CCBE1: variants seen among roughly 807,000 people sequenced by gnomAD.
CCBE1 encodes the protein collagen and calcium-binding EGF domain-containing protein 1.
In CCBE1, 37 loss-of-function variants were observed where a neutral mutation model predicts 50.0. That is an observed-to-expected ratio of 0.74 (90% confidence interval 0.57 to 0.97). The LOEUF (loss-of-function observed/expected upper bound fraction) is 0.97. CCBE1 is among the 50% of genes least tolerant of loss of function. CCBE1 has a pLI of 0.00. For missense variants in CCBE1, 538 were observed against 523.8 expected, an observed-to-expected ratio of 1.03 and a Z score of -0.26; for synonymous variants, 234 against 203.7, an observed-to-expected ratio of 1.15 and a Z score of -1.27.
chr18:59,552,833 T>A lies in CCBE1; in HGVS notation c.213-72595A>T, dbSNP rs188993225. Among the ~76,000 whole-genome samples the A allele has an allele frequency of 5.6e-4, 85 of 152,330 alleles. No individual in the cohort carries two copies. In the East Asian group the frequency reaches 0.014, roughly 26 times the overall value. On this transcript the variant is annotated intron_variant, in intron 2 of 10. Coordinates refer to ENST00000439986, the MANE Select transcript of CCBE1 (RefSeq NM_133459.4). Reference sequence around the variant, plus strand: ...TCACCATACACTTATGTCTTTGAAATGAATGTTTCGATTTGGTTAAGGAGG... The same window carrying A: ...TCACCATACACTTATGTCTTTGAAAAGAATGTTTCGATTTGGTTAAGGAGG...
chr18:59,514,070 C>T (rs969997590), intron 2 of CCBE1, among the ~76,000 whole-genome samples: 1 of 152,228 alleles, frequency 6.6e-6, no homozygotes, highest in African/African-American at 2.4e-5. Context: ...AATGAACCCT[C>T]ATATACACCA....
At chr18:59,452,655 A>G (rs1910995954) in intron 6 of CCBE1, among the ~76,000 whole-genome samples, 1 of 152,172 alleles carries the variant, frequency 6.6e-6, no homozygotes, top group Admixed American at 6.5e-5. Context: ...AGTAGAAATG[A>G]GAGGACCTAG....
At chr18:59,621,282 C>G (rs1386208883) in intron 2 of CCBE1, among the ~76,000 whole-genome samples, 1 of 152,192 alleles carries the variant, frequency 6.6e-6, no homozygotes, top group African/African-American at 2.4e-5. Context: ...AGCAGATGGG[C>G]AGGTGGACAG....
chr18:59,477,576 G>A (rs527549595), intron 3 of CCBE1, among the ~76,000 whole-genome samples: 3 of 151,716 alleles, frequency 2.0e-5, no homozygotes, highest in African/African-American at 7.3e-5. Flanking sequence ...GCACCTGCAT[G>A]CCAATCTTTG....
intron 7 of CCBE1, among the ~76,000 whole-genome samples, chr18:59,447,381 T>C (rs745964382): frequency 2.0e-5 from 3 of 152,264 alleles, no homozygotes; most frequent in Non-Finnish European, 2.9e-5. Context: ...AGAAATGTTC[T>C]ATATCTTGAA....
Position 59,480,188 on chromosome 18 carries a change from T to G in CCBE1, c.263A>C (p.Glu88Ala), listed in dbSNP as rs1227036175. The G allele has an allele frequency of 1.9e-6, 3 of 1,583,034 alleles. No individual in the cohort carries two copies. The South Asian group carries it at 3.3e-5, about 18-fold the overall frequency. ...AATATCTTTTTTATATTACATACCTTCTGGGATGCATTGTCCAAGAACAAA... is the reference window on the plus strand; with the variant it reads ...AATATCTTTTTTATATTACATACCTGCTGGGATGCATTGTCCAAGAACAAA... ...YKFVLGQCIP[E>A]DYDVCAEAPC... is the part of the protein sequence containing the mutation. Residue 88 changes from glutamate to alanine, a missense_variant and splice_region_variant, in exon 3 of 11, where the codon GAA (glutamate) becomes GCA (alanine). By Grantham distance (107) the Glu-to-Ala change is moderately radical (BLOSUM62 -1). Transcript: ENST00000439986.
chr18:59,667,859 T>C (rs1208459193), intron 2 of CCBE1, among the ~76,000 whole-genome samples: 1 of 152,092 alleles, frequency 6.6e-6, no homozygotes, highest in Non-Finnish European at 1.5e-5. Context: ...AGAACCCCAC[T>C]ACCAGAAGAC....
At chr18:59,544,487 T>A (rs373268413) in intron 2 of CCBE1, among the ~76,000 whole-genome samples, 14 of 152,338 alleles carry the variant, frequency 9.2e-5, no homozygotes, top group African/African-American at 2.9e-4. Context: ...CTACATAAGA[T>A]GTACTTTTGC....
chr18:59,559,323 T>C lies in CCBE1; in HGVS notation c.213-79085A>G, dbSNP rs142084399. Among the ~76,000 whole-genome samples the C allele has an allele frequency of 5.9e-3, 899 of 152,292 alleles. 3 individuals are homozygous for C. The highest frequency in any genetic ancestry group is 9.8e-3 in the Non-Finnish European group (668 of 68,030). On this transcript the variant is annotated intron_variant, in intron 2 of 10. Coordinates refer to ENST00000439986, the MANE Select transcript of CCBE1 (RefSeq NM_133459.4). Reference sequence around the variant, plus strand: ...CGCAGCACAGGGAAGAAGAAAAACCTCTGTTGCAGGCTTACCCAGTGATCT... The same window carrying C: ...CGCAGCACAGGGAAGAAGAAAAACCCCTGTTGCAGGCTTACCCAGTGATCT...
At position 59,454,869 on chromosome 18, in the gene CCBE1, C is replaced by A; in HGVS notation, c.636G>T (p.Val212=). 6.2e-7 allele frequency: 1 copy of A among 1,614,212 alleles called. No individual in the cohort carries two copies. The highest frequency in any genetic ancestry group is 8.5e-7 in the Non-Finnish European group (1 of 1,180,016). ...CACGTACCTTTTGCTTCAGCTGCAG[C>A]ACGGTCTGCTTCATCTGGTAGAACT... is the stretch of plus-strand genomic sequence containing the variant. ...CKEFYQMKQT[V]LQLKQKIALL... is the part of the protein sequence containing the mutation. The change falls in exon 6 of 11, where the codon GTG becomes GTT. Residue 212 remains valine, a synonymous_variant. Transcript: ENST00000439986.
At chr18:59,525,975 G>A (rs1368051836) in intron 2 of CCBE1, among the ~76,000 whole-genome samples, 1 of 152,180 alleles carries the variant, frequency 6.6e-6, no homozygotes. Flanking sequence ...GTACCATGCT[G>A]TTTTGGTTAA....
intron 2 of CCBE1, among the ~76,000 whole-genome samples, chr18:59,664,902 G>A (rs1215038811): frequency 6.6e-6 from 1 of 152,146 alleles, no homozygotes; most frequent in Non-Finnish European, 1.5e-5. Flanking sequence ...ATACTGAAGA[G>A]GTGAGCTGAG....
chr18:59,653,808 C>A (rs776564270), intron 2 of CCBE1, among the ~76,000 whole-genome samples: 3 of 152,136 alleles, frequency 2.0e-5, no homozygotes, highest in Non-Finnish European at 4.4e-5. Flanking sequence ...TAGTTACAAC[C>A]CAATTTGTTA....
chr18:59,595,884 G>A (rs1246813892), intron 2 of CCBE1, among the ~76,000 whole-genome samples: 2 of 152,164 alleles, frequency 1.3e-5, no homozygotes, highest in Admixed American at 1.3e-4. Flanking sequence ...GATACTCCAA[G>A]GACTTTGCTA....
intron 2 of CCBE1, among the ~76,000 whole-genome samples, chr18:59,636,153 T>TA (rs201260194): frequency 0.028 from 4,180 of 150,010 alleles, 187 homozygotes; most frequent in African/African-American, 0.097. Flanking sequence ...ACTCTGTCTC[T>TA]AAAAAAAAAT....
At chr18:59,450,600 C>T (rs1396436699) in intron 6 of CCBE1, among the ~76,000 whole-genome samples, 4 of 152,232 alleles carry the variant, frequency 2.6e-5, no homozygotes, top group Non-Finnish European at 5.9e-5. Flanking sequence ...GTGGTGCAAT[C>T]TCAGTTCACT....
At chr18:59,628,998 G>A (rs1248178152) in intron 2 of CCBE1, among the ~76,000 whole-genome samples, 3 of 152,066 alleles carry the variant, frequency 2.0e-5, no homozygotes, top group Non-Finnish European at 4.4e-5. Context: ...GCCTCCTAAG[G>A]GATCCCATTT....
intron 2 of CCBE1, among the ~76,000 whole-genome samples, chr18:59,542,131 GC>G (rs1260626387): frequency 1.4e-5 from 2 of 147,842 alleles, no homozygotes; most frequent in African/African-American, 5.0e-5. Flanking sequence ...CTGTGAGTGT[GC>G]CACTGCACCC....
intron 2 of CCBE1, among the ~76,000 whole-genome samples, chr18:59,590,660 G>A (rs2053250831): frequency 2.6e-5 from 4 of 152,280 alleles, no homozygotes; most frequent in Admixed American, 2.6e-4. Context: ...TATCGCACAT[G>A]AGTAAGAGGA....
Sources: gnomAD v4.1 joint callset for allele counts (sites outside exome capture counted in the v4.1 genomes callset) on GRCh38, gnomAD v4.1.1 for gene constraint, MANE v1.5 for transcripts, NCBI Gene and HGNC (gene_info 2026-07-23, HGNC 2026-07-21) for gene names.